THNSL1: variants seen among roughly 807,000 people sequenced by gnomAD.
THNSL1 encodes threonine synthase like 1, also known as threonine synthase-like 1.
In THNSL1, 48 loss-of-function variants were observed where a neutral mutation model predicts 50.4. That is an observed-to-expected ratio of 0.95 (90% CI 0.76 to 1.21). The LOEUF (loss-of-function observed/expected upper bound fraction) is 1.21, where lower values mean the gene tolerates loss of function less well. Among genes scored for constraint, THNSL1 ranks in the 50% most tolerant of loss-of-function variants. The pLI is 0.00. For missense variants in THNSL1, 896 were observed against 871.7 expected, an observed-to-expected ratio of 1.03 and a Z score of -0.35; for synonymous variants, 309 against 306.1, an observed-to-expected ratio of 1.01 and a Z score of -0.10.
At chr10:25,011,394 T>C in the THNSL1 span, among the ~76,000 whole-genome samples, 3 of 152,106 alleles carry the variant, frequency 2.0e-5, no homozygotes, top group Admixed American at 6.5e-5. Context: ...ATTCTGTAGG[T>C]TGCCTATTCA....
At chr10:24,990,425 A>G in the THNSL1 span, 1,719 of 1,581,236 alleles carry the variant, frequency 1.1e-3, 30 homozygotes, top group East Asian at 0.031. Flanking sequence ...GAGATGATCC[A>G]AAGAGTTACA....
chr10:24,975,091 C>A, the THNSL1 span, among the ~76,000 whole-genome samples: 1 of 152,148 alleles, frequency 6.6e-6, no homozygotes, highest in Non-Finnish European at 1.5e-5. Flanking sequence ...CACATGTGGC[C>A]TCCAGGGTGC....
At chr10:24,984,535 C>T in the THNSL1 span, 169 of 1,134,878 alleles carry the variant, frequency 1.5e-4, no homozygotes, top group South Asian at 8.1e-4. Flanking sequence ...ATGTGGAAAA[C>T]GTGACACTAG....
the THNSL1 span, among the ~76,000 whole-genome samples, chr10:24,973,087 G>A: frequency 6.6e-6 from 1 of 152,122 alleles, no homozygotes; most frequent in Non-Finnish European, 1.5e-5. Flanking sequence ...TCTTAGCATA[G>A]ATCTTAGCAA....
the THNSL1 span, among the ~76,000 whole-genome samples, chr10:24,970,167 A>C: frequency 3.3e-5 from 5 of 152,262 alleles, no homozygotes; most frequent in African/African-American, 1.2e-4. Flanking sequence ...GTACTCCCAT[A>C]GGATGGGCTG....
chr10:24,974,839 A>G, the THNSL1 span, among the ~76,000 whole-genome samples: 1 of 152,238 alleles, frequency 6.6e-6, no homozygotes, highest in Non-Finnish European at 1.5e-5. Flanking sequence ...CGTTTTGGGT[A>G]CATTACAAAA....
chr10:25,008,410 T>C, the THNSL1 span, among the ~76,000 whole-genome samples: 3 of 152,188 alleles, frequency 2.0e-5, no homozygotes, highest in Non-Finnish European at 2.9e-5. Flanking sequence ...TAAGAGTTCC[T>C]AATAGTCAAG....
chr10:25,016,484 G>C (rs759531477), upstream of THNSL1, among the ~76,000 whole-genome samples: 1 of 152,218 alleles, frequency 6.6e-6, no homozygotes, highest in Non-Finnish European at 1.5e-5. Context: ...CTGAGACCAC[G>C]AGGACGCAAG....
At chr10:24,989,579 C>T in the THNSL1 span, among the ~76,000 whole-genome samples, 2 of 152,176 alleles carry the variant, frequency 1.3e-5, no homozygotes, top group Non-Finnish European at 2.9e-5. Flanking sequence ...GCACAATACT[C>T]CACTGCAGAT....
chr10:24,988,404 G>A, the THNSL1 span, among the ~76,000 whole-genome samples: 2 of 143,436 alleles, frequency 1.4e-5, no homozygotes, highest in African/African-American at 2.6e-5. Flanking sequence ...TTATATATGT[G>A]TATATATATT....
chr10:24,984,219 CT>C, the THNSL1 span: 12 of 794,618 alleles, frequency 1.5e-5, no homozygotes, highest in African/African-American at 5.2e-5. Context: ...CTGGGAATAA[CT>C]GCAAATGTCA....
At chr10:24,953,131 GA>G in the THNSL1 span, 2 of 152,522 alleles carry the variant, frequency 1.3e-5, no homozygotes, top group Non-Finnish European at 2.9e-5. Context: ...AAGTGTCCTG[GA>G]TGTGTTTTCA....
intron 1 of THNSL1, 50 bp downstream of exon 1, chr10:25,016,742 T>A (rs1850591024): frequency 6.6e-6 from 1 of 152,288 alleles, no homozygotes; most frequent in Non-Finnish European, 1.5e-5. Context: ...TGGACACTGC[T>A]CCCCCATTTC....
At chr10:25,017,792 C>A (rs765500688) in intron 1 of THNSL1, among the ~76,000 whole-genome samples, 1 of 152,078 alleles carries the variant, frequency 6.6e-6, no homozygotes, top group South Asian at 2.1e-4. Context: ...CCTTTCTTTT[C>A]GCCCTTGAGT....
chr10:24,972,883 T>G, the THNSL1 span, among the ~76,000 whole-genome samples: 1 of 152,326 alleles, frequency 6.6e-6, no homozygotes, highest in South Asian at 2.1e-4. Flanking sequence ...AGGGAATACA[T>G]TCTAAGACCC....
the THNSL1 span, chr10:24,984,623 T>A: frequency 9.1e-7 from 1 of 1,097,150 alleles, no homozygotes; most frequent in Non-Finnish European, 1.3e-6. Context: ...TGATTAAGAC[T>A]ATTTTTATTC....
At chr10:24,958,656 A>T in the THNSL1 span, among the ~76,000 whole-genome samples, 1 of 152,232 alleles carries the variant, frequency 6.6e-6, no homozygotes, top group Non-Finnish European at 1.5e-5. Flanking sequence ...AGTAGGTCTT[A>T]CAAATAAAGC....
chr10:24,960,021 T>C, the THNSL1 span, among the ~76,000 whole-genome samples: 10 of 152,286 alleles, frequency 6.6e-5, no homozygotes, highest in African/African-American at 2.4e-4. Flanking sequence ...GGAACTTATT[T>C]CCATCTCCCT....
At chr10:24,965,928 G>A in the THNSL1 span, among the ~76,000 whole-genome samples, 2 of 152,204 alleles carry the variant, frequency 1.3e-5, no homozygotes, top group Non-Finnish European at 2.9e-5. Context: ...TAGAGGTTGT[G>A]TAACTTGGGA....
Sources: gnomAD v4.1 joint callset for allele counts (sites outside exome capture counted in the v4.1 genomes callset) on GRCh38, gnomAD v4.1.1 for gene constraint, MANE v1.5 for transcripts, NCBI Gene and HGNC (gene_info 2026-07-23, HGNC 2026-07-21) for gene names.